FAT3: variants seen among roughly 807,000 people sequenced by gnomAD.
FAT3 encodes the protein protocadherin Fat 3.
A neutral mutation model predicts 310.2 loss-of-function variants in FAT3; 95 were observed. The ratio of observed to expected loss-of-function variants is 0.31; its 90% CI spans 0.26 to 0.36. The LOEUF is 0.36. FAT3 is among the 10% of genes least tolerant of loss of function. The pLI, the probability that FAT3 is intolerant of heterozygous loss-of-function variation, is 1.00. For synonymous variants in FAT3, 2,314 were observed against 2,192.9 expected (o/e 1.06, Z -1.54); for missense variants, 5,408 against 5,715.6 (o/e 0.95, Z 1.74).
At chr11:92,854,681 A>G (rs13377202) in intron 19 of FAT3, among the ~76,000 whole-genome samples, 10,899 of 152,260 alleles carry the variant, frequency 0.072, 1,312 homozygotes, top group African/African-American at 0.25. Context: ...CATTATTCCT[A>G]TAGGGATAAA....
At chr11:92,822,387 C>T (rs571265333) in intron 13 of FAT3, among the ~76,000 whole-genome samples, 115 of 151,880 alleles carry the variant, frequency 7.6e-4, no homozygotes, top group South Asian at 4.8e-3. Context: ...ATGCAGAGGA[C>T]GGATTTAAGG....
chr11:92,779,955 C>T (rs1478439121), intron 7 of FAT3, among the ~76,000 whole-genome samples: 1 of 152,020 alleles, frequency 6.6e-6, no homozygotes, highest in Non-Finnish European at 1.5e-5. Flanking sequence ...AGCTGACAGC[C>T]AGCAGGGAAA....
intron 2 of FAT3, among the ~76,000 whole-genome samples, chr11:92,503,503 A>G (rs909175182): frequency 6.6e-6 from 1 of 152,110 alleles, no homozygotes; most frequent in African/African-American, 2.4e-5. Context: ...GTAAGGAAAC[A>G]GGTACCTAGA....
intron 3 of FAT3, among the ~76,000 whole-genome samples, chr11:92,668,283 G>A (rs1943019778): frequency 6.6e-6 from 1 of 152,220 alleles, no homozygotes; most frequent in Admixed American, 6.5e-5. Context: ...CAGTAAGGTA[G>A]CCTTTTTGCA....
chr11:92,674,961 A>G (rs1464594285), intron 3 of FAT3, among the ~76,000 whole-genome samples: 1 of 152,190 alleles, frequency 6.6e-6, no homozygotes, highest in Non-Finnish European at 1.5e-5. Flanking sequence ...TGAGAATTAG[A>G]ACTGCTAGGT....
intron 9 of FAT3, among the ~76,000 whole-genome samples, chr11:92,796,389 T>C (rs1947174637): frequency 2.6e-5 from 4 of 152,212 alleles, no homozygotes; most frequent in Admixed American, 2.6e-4. Context: ...ATATACTTTG[T>C]CTTTTAAAAT....
rs558933091 is a variant in FAT3 at position 92,277,230 on chromosome 11, T to C, written c.-18+52056T>C. Among the ~76,000 whole-genome samples the C allele has an allele frequency of 2.0e-5, 3 of 152,282 alleles. No individual in the cohort carries two copies. The East Asian group carries it at 5.8e-4, about 29-fold the overall frequency. ...TTTCCAGAAAGTTTCTGCCAAGATATAACATCTAGAAGGTTGTTTTTTAAG... is the reference window on the plus strand; with the variant it reads ...TTTCCAGAAAGTTTCTGCCAAGATACAACATCTAGAAGGTTGTTTTTTAAG... On this transcript the variant is annotated intron_variant, in intron 1 of 27. Coordinates refer to ENST00000525166, the MANE Select transcript of FAT3 (RefSeq NM_001367949.2).
intron 15 of FAT3, 134 bp from the exon 16 acceptor site, chr11:92,836,432 C>T (rs1948410075): frequency 5.3e-6 from 5 of 935,304 alleles, no homozygotes; most frequent in Non-Finnish European, 7.7e-6. Flanking sequence ...GGGGCGTGGT[C>T]ACTAACATTA....
chr11:92,341,984 A>G (rs550739616), intron 1 of FAT3, among the ~76,000 whole-genome samples: 1 of 151,744 alleles, frequency 6.6e-6, no homozygotes, highest in Non-Finnish European at 1.5e-5. Flanking sequence ...GCAAGTTTTC[A>G]TTGTCTACCT....
At chr11:92,656,013 A>T (rs958053345) in intron 3 of FAT3, among the ~76,000 whole-genome samples, 6 of 152,178 alleles carry the variant, frequency 3.9e-5, no homozygotes, top group African/African-American at 1.4e-4. Flanking sequence ...TCACAGGGAA[A>T]CAAGAGGGAT....
chr11:92,779,854 G>A lies in FAT3; in HGVS notation c.4335+5674G>A, dbSNP rs115141747. 9.3e-3 allele frequency among the ~76,000 whole-genome samples: 1,410 copies of A among 152,240 alleles called. 22 individuals carry two copies. The highest frequency in any genetic ancestry group is 0.031 in the African/African-American group (1,299 of 41,538). On this transcript the variant is annotated intron_variant, in intron 7 of 27. Coordinates refer to ENST00000525166, the MANE Select transcript of FAT3 (RefSeq NM_001367949.2). Reference sequence around the variant, plus strand: ...GGTAAGTAAGAGATTCAAAATGTGAGAAGGACTTGAGACATCATTTCTAAT... The same window carrying A: ...GGTAAGTAAGAGATTCAAAATGTGAAAAGGACTTGAGACATCATTTCTAAT...
chr11:92,684,291 G>A (rs80173918), intron 3 of FAT3, among the ~76,000 whole-genome samples: 2,961 of 152,228 alleles, frequency 0.019, 124 homozygotes, highest in East Asian at 0.19. Flanking sequence ...GAAACATTTT[G>A]CACCTATTCT....
At chr11:92,243,558 A>T (rs1217731534) in intron 1 of FAT3, among the ~76,000 whole-genome samples, 1 of 152,070 alleles carries the variant, frequency 6.6e-6, no homozygotes, top group Non-Finnish European at 1.5e-5. Context: ...TAGGTTAAAT[A>T]TTTTGCATCC....
intron 7 of FAT3, among the ~76,000 whole-genome samples, chr11:92,785,784 A>G (rs1166505733): frequency 1.3e-5 from 2 of 152,198 alleles, no homozygotes; most frequent in African/African-American, 4.8e-5. Context: ...TTAACCTGTC[A>G]TTATAGCATA....
intron 22 of FAT3, among the ~76,000 whole-genome samples, chr11:92,879,856 A>G (rs1397877637): frequency 6.6e-6 from 1 of 152,228 alleles, no homozygotes; most frequent in Admixed American, 6.5e-5. Flanking sequence ...GGAAGTGTAA[A>G]TGGGAGAGAA....
Position 92,422,789 on chromosome 11 carries a change from CTTGGTGGCAGGGAAGACT to C in FAT3, c.3292+67389_3292+67406del, listed in dbSNP as rs372743309. 1.1e-4 allele frequency among the ~76,000 whole-genome samples: 16 copies of C among 152,164 alleles called. No homozygotes were observed. In the East Asian group the frequency reaches 3.1e-3, roughly 29 times the overall value. The stretch of plus-strand genomic sequence containing the variant: ...TTTTTTCAGCAAAGAGCTGCTGGGA[CTTGGTGGCAGGGAAGACT>C]TTGCCTTGTATTGTGGCTGGCACAG... On this transcript the variant is annotated intron_variant, in intron 2 of 27. Coordinates refer to ENST00000525166, the MANE Select transcript of FAT3 (RefSeq NM_001367949.2).
chr11:92,591,625 T>A (rs769288510), intron 3 of FAT3, among the ~76,000 whole-genome samples: 7 of 152,170 alleles, frequency 4.6e-5, no homozygotes, highest in Non-Finnish European at 7.3e-5. Context: ...GTTTCACTAT[T>A]GCAGAGACTA....
chr11:92,762,783 G>A (rs993941619), intron 5 of FAT3, among the ~76,000 whole-genome samples: 8 of 152,126 alleles, frequency 5.3e-5, no homozygotes, highest in Admixed American at 3.9e-4. Context: ...GTGCCAGTGT[G>A]CTCCCCTGAT....
At chr11:92,889,811 A>G (rs1239563959) in intron 26 of FAT3, 45 bp from the exon 27 acceptor site, 1 of 717,582 alleles carries the variant, frequency 1.4e-6, no homozygotes, top group South Asian at 1.5e-5. Flanking sequence ...CCCTCTTCAC[A>G]TGGTTTGGAC....
Sources: gnomAD v4.1 joint callset for allele counts (sites outside exome capture counted in the v4.1 genomes callset) on GRCh38, gnomAD v4.1.1 for gene constraint, MANE v1.5 for transcripts, NCBI Gene and HGNC (gene_info 2026-07-23, HGNC 2026-07-21) for gene names.